MIPOL1: variants seen among roughly 807,000 people sequenced by gnomAD.
MIPOL1 encodes the protein mirror-image polydactyly gene 1 protein.
A neutral mutation model predicts 60.9 loss-of-function variants in MIPOL1; 57 were observed. The ratio of observed to expected loss-of-function variants is 0.94; its 90% CI spans 0.76 to 1.17. The LOEUF (loss-of-function observed/expected upper bound fraction) is 1.17, where lower values mean the gene tolerates loss of function less well. Ranked by LOEUF, MIPOL1 falls within the 50% of genes most tolerant of loss-of-function variation. The pLI is 0.00. For missense variants in MIPOL1, 551 were observed against 511.6 expected (o/e 1.08, Z -0.74); for synonymous variants, 179 against 168.8 (o/e 1.06, Z -0.47).
chr14:37,375,610 A>G (rs896158772), intron 10 of MIPOL1, among the ~76,000 whole-genome samples: 2 of 152,182 alleles, frequency 1.3e-5, no homozygotes, highest in Non-Finnish European at 2.9e-5. Context: ...TTGTTAATAA[A>G]ACTTTGATAT....
intron 11 of MIPOL1, among the ~76,000 whole-genome samples, chr14:37,465,834 A>C (rs2094591728): frequency 6.6e-6 from 1 of 152,162 alleles, no homozygotes; most frequent in Admixed American, 6.5e-5. Context: ...CCCAATCTGT[A>C]AGCATTAAAT....
chr14:37,361,882 T>C (rs1041113378), intron 9 of MIPOL1, among the ~76,000 whole-genome samples: 1 of 152,098 alleles, frequency 6.6e-6, no homozygotes, highest in Non-Finnish European at 1.5e-5. Context: ...GCTGTTTGTC[T>C]CTTTTGACTT....
intron 12 of MIPOL1, among the ~76,000 whole-genome samples, chr14:37,509,351 C>A (rs148141760): frequency 0.013 from 1,997 of 150,794 alleles, 46 homozygotes; most frequent in African/African-American, 0.045. Flanking sequence ...TACACACATA[C>A]ACACACACAC....
At chr14:37,327,762 C>A (rs1414556625) in intron 9 of MIPOL1, among the ~76,000 whole-genome samples, 1 of 152,086 alleles carries the variant, frequency 6.6e-6, no homozygotes, top group African/African-American at 2.4e-5. Flanking sequence ...AAAAAATAAT[C>A]CTTTTTAAAA....
At chr14:37,199,983 C>G (rs1594391421) in intron 1 of MIPOL1, among the ~76,000 whole-genome samples, 2 of 152,180 alleles carry the variant, frequency 1.3e-5, no homozygotes, top group South Asian at 4.1e-4. Context: ...CAAATGCTTG[C>G]AACATTTCAC....
chr14:37,299,783 T>C (rs1256146875), intron 7 of MIPOL1, among the ~76,000 whole-genome samples: 1 of 152,082 alleles, frequency 6.6e-6, no homozygotes, highest in African/African-American at 2.4e-5. Context: ...CTGTATACTT[T>C]CTTTGGATTT....
At chr14:37,410,577 A>G (rs1164388893) in intron 10 of MIPOL1, among the ~76,000 whole-genome samples, 2 of 152,192 alleles carry the variant, frequency 1.3e-5, no homozygotes, top group East Asian at 3.9e-4. Flanking sequence ...GAATCGGAAC[A>G]CAAAAGAAAA....
At chr14:37,490,475 C>T (rs1171721314) in intron 11 of MIPOL1, among the ~76,000 whole-genome samples, 1 of 152,120 alleles carries the variant, frequency 6.6e-6, no homozygotes, top group Non-Finnish European at 1.5e-5. Flanking sequence ...GTCTTGCTGA[C>T]ATTCCAGGTG....
intron 6 of MIPOL1, among the ~76,000 whole-genome samples, chr14:37,274,503 A>G (rs2083507579): frequency 6.6e-6 from 1 of 151,416 alleles, no homozygotes; most frequent in Non-Finnish European, 1.5e-5. Flanking sequence ...TTTATTGTGG[A>G]CTCATTATGT....
chr14:37,252,045 T>A (rs985087325), intron 3 of MIPOL1, among the ~76,000 whole-genome samples: 13 of 151,592 alleles, frequency 8.6e-5, no homozygotes, highest in Non-Finnish European at 1.6e-4. Flanking sequence ...ATATATATAT[T>A]TTTTACCAAT....
chr14:37,279,602 G>C (rs1237015297), intron 6 of MIPOL1, among the ~76,000 whole-genome samples: 1 of 151,850 alleles, frequency 6.6e-6, no homozygotes, highest in Non-Finnish European at 1.5e-5. Context: ...CTTAATTTTG[G>C]TTTTGAGGGT....
chr14:37,487,414 A>G (rs1369539258), intron 11 of MIPOL1, among the ~76,000 whole-genome samples: 1 of 152,172 alleles, frequency 6.6e-6, no homozygotes, highest in African/African-American at 2.4e-5. Context: ...AAGGAATGGT[A>G]CCAGCTCTTC....
At chr14:37,337,352 ATATATTTTTTTTTT>A (rs1326356362) in intron 9 of MIPOL1, among the ~76,000 whole-genome samples, 2 of 35,450 alleles carry the variant, frequency 5.6e-5, no homozygotes, top group South Asian at 2.7e-3. Context: ...ATATATATAT[ATATATTTTTTTTTT>A]TTTTTTTTTT....
intron 11 of MIPOL1, among the ~76,000 whole-genome samples, chr14:37,494,418 T>G (rs11156959): frequency 0.39 from 59,739 of 152,078 alleles, 14,017 homozygotes; most frequent in Non-Finnish European, 0.53. Context: ...TTGCTTTGTC[T>G]TACTGGATAA....
At chr14:37,456,789 T>C (rs540871311) in intron 11 of MIPOL1, among the ~76,000 whole-genome samples, 94 of 152,208 alleles carry the variant, frequency 6.2e-4, no homozygotes, top group African/African-American at 2.2e-3. Flanking sequence ...AGTGTTTACA[T>C]TTCAGACCTT....
chr14:37,457,498 G>A (rs2153579364), intron 11 of MIPOL1, among the ~76,000 whole-genome samples: 1 of 152,172 alleles, frequency 6.6e-6, no homozygotes, highest in Middle Eastern at 3.4e-3. Context: ...CTTTCCTCAG[G>A]ATAATCTTCT....
intron 9 of MIPOL1, among the ~76,000 whole-genome samples, chr14:37,358,472 A>G (rs953884512): frequency 6.6e-6 from 1 of 152,116 alleles, no homozygotes; most frequent in Non-Finnish European, 1.5e-5. Flanking sequence ...AAGCGTTCCT[A>G]TTTCTCCACA....
chr14:37,383,810 T>A (rs1407836238), intron 10 of MIPOL1, among the ~76,000 whole-genome samples: 1 of 151,914 alleles, frequency 6.6e-6, no homozygotes, highest in African/African-American at 2.4e-5. Flanking sequence ...ATTAAGCAAA[T>A]GTTTTATATC....
chr14:37,447,511 G>A (rs544038882), intron 11 of MIPOL1, among the ~76,000 whole-genome samples: 1 of 152,220 alleles, frequency 6.6e-6, no homozygotes, highest in South Asian at 2.1e-4. Flanking sequence ...TCATTTTACT[G>A]TGTCAATCTG....
Sources: gnomAD v4.1 joint callset for allele counts (sites outside exome capture counted in the v4.1 genomes callset) on GRCh38, gnomAD v4.1.1 for gene constraint, MANE v1.5 for transcripts, NCBI Gene and HGNC (gene_info 2026-07-23, HGNC 2026-07-21) for gene names.